The following TRAPPC12 variants were observed in gnomAD, a reference collection of about 807,000 sequenced individuals.
The protein encoded by TRAPPC12 is trafficking protein particle complex subunit 12.
Under a neutral mutation model 69.2 loss-of-function variants are expected in TRAPPC12, and 61 were observed. The observed-to-expected ratio is 0.88, with a 90% CI of 0.72 to 1.09. The LOEUF is 1.09. TRAPPC12 is among the 50% of genes least tolerant of loss of function. The pLI is 0.00. For synonymous variants in TRAPPC12, 469 were observed against 438.9 expected (o/e 1.07, Z -0.86); for missense variants, 1,101 against 1,016.4 (o/e 1.08, Z -1.13).
intron 3 of TRAPPC12, among the ~76,000 whole-genome samples, chr2:3,415,134 C>T (rs1260614241): frequency 3.9e-5 from 6 of 152,132 alleles, no homozygotes; most frequent in Non-Finnish European, 5.9e-5. Context: ...CCCCAACCTC[C>T]GTGGTTTGAC....
chr2:3,475,455 C>G (rs550267497), intron 9 of TRAPPC12, among the ~76,000 whole-genome samples: 2 of 138,776 alleles, frequency 1.4e-5, no homozygotes, highest in Admixed American at 1.4e-4. Flanking sequence ...GATTTGTTTT[C>G]TACATATTCT....
At chr2:3,421,038 G>A (rs1662751605) in intron 3 of TRAPPC12, among the ~76,000 whole-genome samples, 1 of 152,206 alleles carries the variant, frequency 6.6e-6, no homozygotes, top group Admixed American at 6.5e-5. Context: ...GTCTCTGTCA[G>A]GCAGGAGGTA....
At chr2:3,464,141 C>T (rs1665667833) in intron 8 of TRAPPC12, among the ~76,000 whole-genome samples, 1 of 151,942 alleles carries the variant, frequency 6.6e-6, no homozygotes, top group Non-Finnish European at 1.5e-5. Context: ...CACACGTCCA[C>T]ACACACACAT....
chr2:3,440,983 T>C (rs866577089), intron 5 of TRAPPC12, among the ~76,000 whole-genome samples: 18 of 152,344 alleles, frequency 1.2e-4, no homozygotes, highest in Middle Eastern at 6.8e-3. Flanking sequence ...AGATCACCCC[T>C]GCATACCTGG....
rs974838008 is a variant in TRAPPC12, at chr2:3,421,629, T to C, written c.1165-252T>C. ...TGTTCTATCGGTTGTTGAATTGTAA[T>C]GTTTTTATGATTTGATCGGCTTGAA... On this transcript the variant is annotated intron_variant, in intron 3 of 11. Transcript: ENST00000324266. 18 of 698,054 alleles carry C rather than the reference T, an allele frequency of 2.6e-5. No homozygotes were observed. The African/African-American group carries it at 2.8e-4, about 11-fold the overall frequency. 43.2% of individuals were successfully genotyped at this position (698,054 alleles called of 1,614,324 possible).
intron 9 of TRAPPC12, among the ~76,000 whole-genome samples, chr2:3,470,177 G>A (rs894267739): frequency 6.6e-6 from 1 of 152,234 alleles, no homozygotes; most frequent in South Asian, 2.1e-4. Context: ...TTCTGCTCAC[G>A]CCCTGGCACT....
chr2:3,459,193 G>A (rs993882248), intron 7 of TRAPPC12, among the ~76,000 whole-genome samples: 10 of 152,222 alleles, frequency 6.6e-5, no homozygotes, highest in African/African-American at 1.2e-4. Context: ...AGTGCCCAGC[G>A]ATGAGGGAGG....
chr2:3,463,652 C>T (rs1164308021), intron 8 of TRAPPC12, among the ~76,000 whole-genome samples: 1 of 151,552 alleles, frequency 6.6e-6, no homozygotes, highest in Admixed American at 6.6e-5. Context: ...CGGCATCGCC[C>T]ACTAGCAGTG....
intron 5 of TRAPPC12, among the ~76,000 whole-genome samples, chr2:3,427,785 C>T (rs116021964): frequency 0.029 from 4,431 of 152,170 alleles, 216 homozygotes; most frequent in African/African-American, 0.1. Flanking sequence ...ACCAGCTACT[C>T]AGGAGGCTGA....
chr2:3,384,147 CG>C (rs2103419519), intron 1 of TRAPPC12, among the ~76,000 whole-genome samples: 1 of 152,136 alleles, frequency 6.6e-6, no homozygotes, highest in African/African-American at 2.4e-5. Flanking sequence ...CCACCCTCCT[CG>C]GCCTCCCAAA....
At chr2:3,436,073 C>A (rs1168513038) in intron 5 of TRAPPC12, among the ~76,000 whole-genome samples, 1 of 152,206 alleles carries the variant, frequency 6.6e-6, no homozygotes, top group African/African-American at 2.4e-5. Context: ...TTGTGGAGGG[C>A]AGGCCCTGAT....
intron 9 of TRAPPC12, among the ~76,000 whole-genome samples, chr2:3,470,408 C>T (rs756728993): frequency 3.3e-5 from 5 of 152,266 alleles, no homozygotes; most frequent in Admixed American, 6.5e-5. Flanking sequence ...CGATGGCCTG[C>T]ACTGCGTGCT....
intron 2 of TRAPPC12, among the ~76,000 whole-genome samples, chr2:3,398,724 G>A (rs1456831209): frequency 2.0e-5 from 3 of 152,230 alleles, no homozygotes; most frequent in Admixed American, 1.3e-4. Context: ...CCTGTCAGCC[G>A]TGAGAACAGC....
intron 9 of TRAPPC12, among the ~76,000 whole-genome samples, chr2:3,472,875 G>A (rs1300836782): frequency 6.6e-6 from 1 of 152,146 alleles, no homozygotes; most frequent in Admixed American, 6.5e-5. Flanking sequence ...CAGGGTCAGC[G>A]TCCCTGGTTG....
At chr2:3,421,795 C>A in intron 3 of TRAPPC12, 86 bp from the exon 4 acceptor site, 1 of 1,216,692 alleles carries the variant, frequency 8.2e-7, no homozygotes, top group Non-Finnish European at 1.2e-6. Context: ...AGGTGAGCAG[C>A]TGTGGCCAGT....
At chr2:3,442,455 G>C (rs966286107) in intron 5 of TRAPPC12, among the ~76,000 whole-genome samples, 9 of 152,270 alleles carry the variant, frequency 5.9e-5, no homozygotes, top group Admixed American at 2.0e-4. Flanking sequence ...CCAGTCCCCT[G>C]TGTCATTATG....
At position 3,479,404 on chromosome 2, in the gene TRAPPC12, G is replaced by A; in HGVS notation, c.2151G>A (p.Glu717=). ...RSMQKKQALL[E]AVAGKEGDSF... ...TGCAGAAGAAACAGGCCCTGCTGGA[G>A]GCTGTCGCCGGCAAGGAGGGGGACA... Residue 717 remains glutamate (E), a synonymous_variant, in exon 12 of 12, where the codon GAG becomes GAA. Transcript: ENST00000324266. 6.2e-7 allele frequency: 1 copy of A among 1,614,142 alleles called. No homozygotes were observed. Among genetic ancestry groups the A allele is most frequent in the Non-Finnish European group, 8.5e-7 (1 of 1,180,030 alleles).
rs1666418316 is a variant in TRAPPC12 at position 3,478,896 on chromosome 2, T to C, written c.1928T>C (p.Phe643Ser). The change falls in exon 11 of 12, where the codon TTC becomes TCC. Residue 643 changes from phenylalanine (F) to serine (S), a missense_variant. Coordinates refer to ENST00000324266, the MANE Select transcript of TRAPPC12 (RefSeq NM_016030.6). ...AACTTTGCAGAAGCCCACAGGTTCT[T>C]CACAGAGATCTTAAGGATGGATCCA... ...QNNFAEAHRF[F>S]TEILRMDPRN... 6.2e-7 allele frequency: 1 copy of C among 1,614,064 alleles called. No individual in the cohort carries two copies.
chr2:3,379,876 G>C lies in TRAPPC12; in HGVS notation c.-5G>C, dbSNP rs532996197. ...GCCCAGCTCCAGTGGGCGGGTGGCA[G>C]GTGAGGATCAGGGCCTCGGCAGTCC... On this transcript the variant is annotated splice_region_variant and 5_prime_UTR_variant, in exon 1 of 12. Transcript: ENST00000324266. 1.3e-5 allele frequency: 2 copies of C among 152,626 alleles called. No homozygotes were observed. The highest frequency in any genetic ancestry group is 4.8e-5 in the African/African-American group (2 of 41,584). 9.5% of individuals were successfully genotyped at this position (152,626 alleles called of 1,614,324 possible). A position where few individuals can be genotyped will look rare whatever the true frequency, so the allele number is the denominator to read the frequency against.
Sources: allele counts gnomAD v4.1 joint callset (sites outside exome capture counted in the v4.1 genomes callset), GRCh38; gene constraint gnomAD v4.1.1; transcripts MANE v1.5; gene names NCBI Gene and HGNC (gene_info 2026-07-23, HGNC 2026-07-21).